Variants in BTBD18 observed in about 807,000 individuals in gnomAD.
BTBD18 encodes BTB/POZ domain-containing protein 18.
For synonymous variants in BTBD18, 311 were observed against 324.4 expected (o/e 0.96, Z 0.44); for missense variants, 787 against 846.3 (o/e 0.93, Z 0.87).
intron 2 of BTBD18, among the ~76,000 whole-genome samples, chr11:57,749,921 T>G (rs1352363183): frequency 6.6e-6 from 1 of 152,178 alleles, no homozygotes. Context: ...TATATCAGGA[T>G]CTACTTAGTA....
In BTBD18 at chr11:57,751,062, T is replaced by C. The variant is rs1417887202; in HGVS notation, c.124+3A>G. 2.0e-6 allele frequency: 3 copies of C among 1,530,890 alleles called. No individual in the cohort carries two copies. Among genetic ancestry groups the C allele is most frequent in the Admixed American group, 2.2e-5 (1 of 46,140 alleles). 94.8% of individuals were successfully genotyped at this position (1,530,890 alleles called of 1,614,324 possible). A position where few individuals can be genotyped will look rare whatever the true frequency, so the allele number is the denominator to read the frequency against. ...TTCAGTTGAATTCCGACCACTCTCT[T>C]ACCTTCTGCCTGCAGAAGGACATCA... On this transcript the variant is annotated splice_donor_region_variant and intron_variant, in intron 2 of 2. Transcript: ENST00000422652.
upstream of BTBD18, among the ~76,000 whole-genome samples, chr11:57,752,646 T>C (rs1230845172): frequency 6.6e-6 from 1 of 152,224 alleles, no homozygotes; most frequent in African/African-American, 2.4e-5. Context: ...CAGACCCAAC[T>C]TGAAATAGCT....
At chr11:57,751,954 C>T (rs1949320343), upstream of BTBD18, among the ~76,000 whole-genome samples, 1 of 152,146 alleles carries the variant, frequency 6.6e-6, no homozygotes, top group Non-Finnish European at 1.5e-5. Context: ...TTGACCAAAG[C>T]GAGCCTGACT....
chr11:57,751,415 G>A, intron 1 of BTBD18, 126 bp downstream of exon 1: 1 of 378,362 alleles, frequency 2.6e-6, no homozygotes, highest in Non-Finnish European at 4.7e-6. Context: ...ACATGTGGGA[G>A]CTCAGAGATA....
At chr11:57,749,140 C>T (rs1412355862) in intron 2 of BTBD18, among the ~76,000 whole-genome samples, 3 of 152,178 alleles carry the variant, frequency 2.0e-5, no homozygotes, top group Non-Finnish European at 2.9e-5. Context: ...TCTTTTTTAT[C>T]CTCCTAAGTC....
rs755552092 is a variant in BTBD18, at chr11:57,744,715, C to T, written c.1558G>A (p.Glu520Lys). 42 of 1,551,592 alleles carry T rather than the reference C, an allele frequency of 2.7e-5. No individual in the cohort carries two copies. Among genetic ancestry groups the T allele is most frequent in the Non-Finnish European group, 3.6e-5 (41 of 1,147,000 alleles). Residue 520 changes from glutamate (E) to lysine (K), a missense_variant, in exon 3 of 3, where the codon GAG (glutamate) becomes AAG (lysine). Transcript: ENST00000422652. ...TGGTAGGTAGGCGTTCTGCAGCCCT[C>T]AGCCCCTGGACTCTCCAGAGACCCT... ...PIGSLESPGAEGCRTPTYHLT... is the reference protein window; with the variant it reads ...PIGSLESPGAKGCRTPTYHLT...
chr11:57,748,422 T>G (rs1290012465), intron 2 of BTBD18, among the ~76,000 whole-genome samples: 1 of 152,084 alleles, frequency 6.6e-6, no homozygotes, highest in African/African-American at 2.4e-5. Flanking sequence ...AGGGACAAGA[T>G]TTGAATTCAA....
rs1590994631 is a variant in BTBD18, at chr11:57,746,140, C to T, written c.133G>A (p.Val45Ile). The part of the protein sequence containing the change: ...DVLLQAEGEA[V>I]PAHCCILSAC... ...GACAGGATGCAGCAGTGAGCTGGAA[C>T]TGCCTCACCTGAAGGGAAACCCAAA... Residue 45 changes from valine to isoleucine, a missense_variant, in exon 3 of 3, where the codon GTT (valine) becomes ATT (isoleucine). Transcript: ENST00000422652. The T allele has an allele frequency of 6.5e-7, 1 of 1,543,200 alleles. No individual in the cohort carries two copies. The highest frequency in any genetic ancestry group is 2.4e-5 in the East Asian group (1 of 40,846).
At position 57,744,387 on chromosome 11, in the gene BTBD18, G is replaced by A. The variant is rs1949149310; in HGVS notation, c.1886C>T (p.Pro629Leu). The A allele has an allele frequency of 6.4e-7, 1 of 1,551,680 alleles. No individual in the cohort carries two copies. The highest frequency in any genetic ancestry group is 8.7e-7 in the Non-Finnish European group (1 of 1,146,968). The change falls in exon 3 of 3, where the codon CCC (proline) becomes CTC (leucine). Residue 629 changes from proline to leucine, a missense_variant. Transcript: ENST00000422652. The stretch of plus-strand genomic sequence containing the variant: ...CCCAGTCTCCACCCAGTTTGAGCAG[G>A]GAGGTGAGAGGTCCCCATAAGACCT... ...PQRSYGDLSP[P>L]CSNWVETGLE...
At chr11:57,746,177 T>C (rs1040276576) in intron 2 of BTBD18, 29 bp from the exon 3 acceptor site, 1 of 1,493,410 alleles carries the variant, frequency 6.7e-7, no homozygotes, top group African/African-American at 1.4e-5. Flanking sequence ...ACTTTTGTTA[T>C]CAGGTAGACT....
Position 57,744,872 on chromosome 11 carries a change from A to T in BTBD18, c.1401T>A (p.Tyr467Ter). The change falls in exon 3 of 3, where the codon TAT (tyrosine) becomes TAA (stop). Residue 467 changes from tyrosine (Y) to a stop codon, truncating the protein, a stop_gained. Transcript: ENST00000422652. LOFTEE classifies it low-confidence loss of function (END_TRUNC). ...GCTCCAGCAGAGCTGTGTCAAATGC[A>T]TAGGGTTCTCTGCAGTCAATAGCCA... ...PMLAIDCREP[Y>*]AFDTALLEQP... 1 of 1,551,706 alleles carries T rather than the reference A, an allele frequency of 6.4e-7. No homozygotes were observed. The highest frequency in any genetic ancestry group is 8.7e-7 in the Non-Finnish European group (1 of 1,146,990).
chr11:57,746,232 T>G, intron 2 of BTBD18, 84 bp from the exon 3 acceptor site: 2 of 1,053,160 alleles, frequency 1.9e-6, no homozygotes, highest in South Asian at 3.8e-5. Context: ...CCAAATGTAC[T>G]GCCCCTTCTT....
upstream of BTBD18, among the ~76,000 whole-genome samples, chr11:57,752,329 G>T (rs1327140849): frequency 6.6e-6 from 1 of 152,192 alleles, no homozygotes; most frequent in African/African-American, 2.4e-5. Context: ...GAGGTTAGGA[G>T]TTTGAGACCA....
chr11:57,748,635 T>C (rs563774279), intron 2 of BTBD18, among the ~76,000 whole-genome samples: 26 of 152,324 alleles, frequency 1.7e-4, no homozygotes, highest in African/African-American at 5.8e-4. Context: ...TCAGCAACTT[T>C]TGTAAACTCT....
chr11:57,745,296 G>T lies in BTBD18; in HGVS notation c.977C>A (p.Pro326Gln), dbSNP rs1254268953. ...RASPLQSTPNPSGLGKTGGSR... is the reference protein window; with the variant it reads ...RASPLQSTPNQSGLGKTGGSR... ...CCCACCTGTCTTTCCCAGACCAGATGGGTTTGGGGTGCTCTGCAGAGGACT... is the reference window on the plus strand; with the variant it reads ...CCCACCTGTCTTTCCCAGACCAGATTGGTTTGGGGTGCTCTGCAGAGGACT... Residue 326 changes from proline to glutamine, a missense_variant, in exon 3 of 3, where the codon CCA becomes CAA. Coordinates refer to ENST00000422652, the MANE Select transcript of BTBD18 (RefSeq NM_001145101.3). 8 of 1,551,708 alleles carry T rather than the reference G, an allele frequency of 5.2e-6. No homozygotes were observed. Among genetic ancestry groups the T allele is most frequent in the Non-Finnish European group, 7.0e-6 (8 of 1,146,994 alleles).
Position 57,744,692 on chromosome 11 carries a change from G to A in BTBD18, c.1581C>T (p.Tyr527=), listed in dbSNP as rs1384984154. ...AGTTCTTTCCTGTTTCTGTCAGATGGTAGGTAGGCGTTCTGCAGCCCTCAG... is the reference window on the plus strand; with the variant it reads ...AGTTCTTTCCTGTTTCTGTCAGATGATAGGTAGGCGTTCTGCAGCCCTCAG... ...PGAEGCRTPT[Y]HLTETGKNWI... Residue 527 remains tyrosine (Y), a synonymous_variant, in exon 3 of 3, where the codon TAC becomes TAT. Transcript: ENST00000422652. 1.3e-6 allele frequency: 2 copies of A among 1,551,704 alleles called. No individual in the cohort carries two copies. The highest frequency in any genetic ancestry group is 3.9e-5 in the Admixed American group (2 of 51,004).
chr11:57,745,742 C>G lies in BTBD18; in HGVS notation c.531G>C (p.Gly177=). Residue 177 remains glycine (G), a synonymous_variant, in exon 3 of 3, where the codon GGG becomes GGC. Transcript: ENST00000422652. ...TCCCCAAGGACTTCAATCTTATTGC[C>G]CCAAGAGGACAAGGAGTTTGATTAG... is the stretch of plus-strand genomic sequence containing the variant. ...LPTNQTPCPL[G]AIRLKSLGKE... 6.4e-7 allele frequency: 1 copy of G among 1,551,602 alleles called. No homozygotes were observed. Among genetic ancestry groups the G allele is most frequent in the Non-Finnish European group, 8.7e-7 (1 of 1,146,962 alleles).
At position 57,744,481 on chromosome 11, in the gene BTBD18, T is replaced by C. The variant is rs1590992294; in HGVS notation, c.1792A>G (p.Thr598Ala). ...TGACCATCCAGTGGCTGGGAGCTGG[T>C]AATTTCAAGGTCTGGTGTCCAACGG... is the stretch of plus-strand genomic sequence containing the variant. ...GGRWTPDLEITSSQPLDGQED... is the reference protein window; with the variant it reads ...GGRWTPDLEIASSQPLDGQED... The change falls in exon 3 of 3, where the codon ACC becomes GCC. Residue 598 changes from threonine to alanine, a missense_variant. Thr to Ala is a moderately conservative substitution (Grantham distance 58, BLOSUM62 0). Coordinates refer to ENST00000422652, the MANE Select transcript of BTBD18 (RefSeq NM_001145101.3). 6.4e-6 allele frequency: 10 copies of C among 1,551,528 alleles called. No individual in the cohort carries two copies. The highest frequency in any genetic ancestry group is 8.7e-6 in the Non-Finnish European group (10 of 1,146,978).
intron 2 of BTBD18, among the ~76,000 whole-genome samples, chr11:57,749,906 C>T (rs191140183): frequency 6.6e-6 from 1 of 152,200 alleles, no homozygotes; most frequent in African/African-American, 2.4e-5. Flanking sequence ...TTTCTTGGGC[C>T]TTTATATATC....
Sources: allele counts gnomAD v4.1 joint callset (sites outside exome capture counted in the v4.1 genomes callset), GRCh38; gene constraint gnomAD v4.1.1; transcripts MANE v1.5; gene names NCBI Gene and HGNC (gene_info 2026-07-23, HGNC 2026-07-21).